Variants in SLC39A11 observed in about 807,000 individuals in gnomAD.
SLC39A11 encodes the protein zinc transporter ZIP11.
In SLC39A11, 33 loss-of-function variants were observed where a neutral mutation model predicts 36.1. The observed-to-expected ratio is 0.91, with a 90% CI of 0.69 to 1.22. The LOEUF (loss-of-function observed/expected upper bound fraction) is 1.22. SLC39A11 is among the 50% of genes most tolerant of loss of function. The pLI, the probability that SLC39A11 is intolerant of heterozygous loss-of-function variation, is 0.00. For missense variants in SLC39A11, 432 were observed against 430.3 expected, an observed-to-expected ratio of 1.00 and a Z score of -0.03; for synonymous variants, 166 against 170.3, an observed-to-expected ratio of 0.97 and a Z score of 0.20.
At chr17:72,930,723 A>G (rs1230309928) in intron 5 of SLC39A11, among the ~76,000 whole-genome samples, 1 of 152,196 alleles carries the variant, frequency 6.6e-6, no homozygotes, top group Non-Finnish European at 1.5e-5. Flanking sequence ...TCACGGAAGC[A>G]TCTAGACTGG....
intron 4 of SLC39A11, among the ~76,000 whole-genome samples, chr17:72,961,758 G>C (rs949027799): frequency 5.9e-5 from 9 of 152,068 alleles, no homozygotes; most frequent in Non-Finnish European, 1.3e-4. Flanking sequence ...GGCTGGGGGA[G>C]GGATAATATT....
Position 72,752,465 on chromosome 17 carries a change from G to A in SLC39A11, c.602-15746C>T, listed in dbSNP as rs540647733. 2.6e-3 allele frequency among the ~76,000 whole-genome samples: 399 copies of A among 152,144 alleles called. 2 individuals carry two copies. Among genetic ancestry groups the A allele is most frequent in the Admixed American group, 4.0e-3 (61 of 15,288 alleles). ...TCACCATGTTGGCCAGGCTGGTCTC[G>A]AACTCCTGACCTCAGGTGATCTGCC... On this transcript the variant is annotated intron_variant, in intron 6 of 9. Transcript: ENST00000255559.
At chr17:72,652,116 G>A (rs2069880484) in intron 7 of SLC39A11, among the ~76,000 whole-genome samples, 1 of 152,182 alleles carries the variant, frequency 6.6e-6, no homozygotes, top group Non-Finnish European at 1.5e-5. Flanking sequence ...AAGTGGCTAT[G>A]GACAGTACAT....
intron 3 of SLC39A11, among the ~76,000 whole-genome samples, chr17:73,059,986 G>A (rs1328335015): frequency 2.0e-5 from 3 of 151,996 alleles, no homozygotes; most frequent in Non-Finnish European, 2.9e-5. Context: ...GAGGCAGGTG[G>A]ATCACCTGAG....
intron 7 of SLC39A11, among the ~76,000 whole-genome samples, chr17:72,655,619 C>A (rs533430939): frequency 6.6e-6 from 1 of 152,292 alleles, no homozygotes; most frequent in South Asian, 2.1e-4. Flanking sequence ...CCCTGCTATT[C>A]GAATTCCCAA....
Position 72,647,396 on chromosome 17 carries a change from A to G in SLC39A11, c.*188T>C, listed in dbSNP as rs541543722. 2 of 440,050 alleles carry G rather than the reference A, an allele frequency of 4.5e-6. No homozygotes were observed. Among genetic ancestry groups the G allele is most frequent in the Admixed American group, 8.0e-5 (2 of 25,040 alleles). The allele number at this position is 440,050 out of a possible 1,614,324, so 27.3% of individuals were successfully genotyped here. A position where few individuals can be genotyped will look rare whatever the true frequency, so the allele number is the denominator to read the frequency against. ...CCATGACACCTTAAAATTCCCCATT[A>G]AATCAAAAATCTCCCTCAAAGCAAA... On this transcript the variant is annotated 3_prime_UTR_variant, in exon 10 of 10. Transcript: ENST00000255559.
At chr17:73,047,059 C>G (rs2059320289) in intron 3 of SLC39A11, among the ~76,000 whole-genome samples, 1 of 143,888 alleles carries the variant, frequency 6.9e-6, no homozygotes, top group Non-Finnish European at 1.5e-5. Flanking sequence ...GAGTCTCGCT[C>G]TGTTGCCCAG....
At chr17:72,880,356 C>G (rs1356131241) in intron 5 of SLC39A11, among the ~76,000 whole-genome samples, 1 of 152,034 alleles carries the variant, frequency 6.6e-6, no homozygotes, top group Non-Finnish European at 1.5e-5. Context: ...ATCGCTTGAG[C>G]CTAGGAGTCT....
chr17:72,779,623 T>C (rs2076243796), intron 6 of SLC39A11, among the ~76,000 whole-genome samples: 1 of 152,136 alleles, frequency 6.6e-6, no homozygotes, highest in Non-Finnish European at 1.5e-5. Context: ...GGCAAGGGAA[T>C]GCTACCAAAA....
At chr17:72,846,496 T>C (rs2079060715) in intron 6 of SLC39A11, among the ~76,000 whole-genome samples, 1 of 152,228 alleles carries the variant, frequency 6.6e-6, no homozygotes, top group Non-Finnish European at 1.5e-5. Context: ...ATTCCACACA[T>C]CTTCCTCCTG....
intron 4 of SLC39A11, among the ~76,000 whole-genome samples, chr17:72,996,899 T>C (rs2089549786): frequency 6.6e-6 from 1 of 152,092 alleles, no homozygotes; most frequent in Non-Finnish European, 1.5e-5. Flanking sequence ...TAGGGAGCCT[T>C]GTTACTGCTC....
intron 6 of SLC39A11, among the ~76,000 whole-genome samples, chr17:72,758,258 A>G (rs192470029): frequency 6.6e-6 from 1 of 152,230 alleles, no homozygotes; most frequent in East Asian, 1.9e-4. Flanking sequence ...GATAATGATT[A>G]TAAGAAAGGT....
At chr17:72,873,237 T>C (rs975877423) in intron 5 of SLC39A11, among the ~76,000 whole-genome samples, 1 of 152,082 alleles carries the variant, frequency 6.6e-6, no homozygotes, top group African/African-American at 2.4e-5. Context: ...ACCACCTGGA[T>C]GGGAAACCTA....
At chr17:72,773,213 T>G (rs1381378954) in intron 6 of SLC39A11, among the ~76,000 whole-genome samples, 1 of 152,222 alleles carries the variant, frequency 6.6e-6, no homozygotes, top group Non-Finnish European at 1.5e-5. Flanking sequence ...CAGAGAGGCA[T>G]GGTTTAGCCA....
intron 6 of SLC39A11, chr17:72,838,015 G>A: frequency 8.1e-7 from 1 of 1,227,650 alleles, no homozygotes; most frequent in Non-Finnish European, 1.0e-6. Flanking sequence ...TGGGTACAGT[G>A]GCTTACACCT....
intron 6 of SLC39A11, among the ~76,000 whole-genome samples, chr17:72,799,356 C>G (rs1171067858): frequency 6.6e-6 from 1 of 152,052 alleles, no homozygotes; most frequent in Non-Finnish European, 1.5e-5. Context: ...AATATGAAAT[C>G]AGGGCACCTT....
chr17:72,793,798 T>G (rs541143196), intron 6 of SLC39A11, among the ~76,000 whole-genome samples: 39 of 152,258 alleles, frequency 2.6e-4, no homozygotes, highest in African/African-American at 8.2e-4. Context: ...AGAAAGGAAA[T>G]GAATAACAAT....
intron 5 of SLC39A11, among the ~76,000 whole-genome samples, chr17:72,933,165 T>A (rs1439028825): frequency 6.6e-6 from 1 of 152,184 alleles, no homozygotes; most frequent in Admixed American, 6.5e-5. Flanking sequence ...TTCATAGACA[T>A]GACAGAAAAT....
At chr17:72,711,781 G>C (rs2073113056) in intron 7 of SLC39A11, among the ~76,000 whole-genome samples, 1 of 152,162 alleles carries the variant, frequency 6.6e-6, no homozygotes, top group Admixed American at 6.5e-5. Context: ...CCCCTTGATG[G>C]TCATAGCTCT....
Sources: gnomAD v4.1 joint callset for allele counts (sites outside exome capture counted in the v4.1 genomes callset) on GRCh38, gnomAD v4.1.1 for gene constraint, MANE v1.5 for transcripts, NCBI Gene and HGNC (gene_info 2026-07-23, HGNC 2026-07-21) for gene names.